MMP20: variants seen among roughly 807,000 people sequenced by gnomAD.
MMP20 encodes matrix metalloproteinase-20.
MMP20 carries 50 observed loss-of-function variants against 51.8 expected under a neutral mutation model. That is an observed-to-expected ratio of 0.97 (90% CI 0.77 to 1.22). MMP20 has a LOEUF of 1.22. Among genes scored for constraint, MMP20 ranks in the 50% most tolerant of loss-of-function variants. The pLI is 0.00. For synonymous variants in MMP20, 244 were observed against 216.2 expected, an observed-to-expected ratio of 1.13 and a Z score of -1.13; for missense variants, 663 against 601.4, an observed-to-expected ratio of 1.10 and a Z score of -1.07.
chr11:102,594,123 A>G (rs1859351348), intron 7 of MMP20, among the ~76,000 whole-genome samples: 1 of 152,222 alleles, frequency 6.6e-6, no homozygotes, highest in Non-Finnish European at 1.5e-5. Flanking sequence ...CAGAGCCATT[A>G]GATAACTTTC....
chr11:102,613,777 A>G (rs1859632385), intron 2 of MMP20, among the ~76,000 whole-genome samples: 1 of 152,238 alleles, frequency 6.6e-6, no homozygotes, highest in African/African-American at 2.4e-5. Context: ...GAAGGGGGAT[A>G]CCAGACAGAC....
intron 2 of MMP20, 149 bp from the exon 3 acceptor site, chr11:102,612,052 T>A: frequency 1.3e-6 from 1 of 779,824 alleles, no homozygotes; most frequent in Non-Finnish European, 2.1e-6. Context: ...TATTATATGT[T>A]AAATTTCTGC....
intron 8 of MMP20, among the ~76,000 whole-genome samples, chr11:102,584,602 G>C (rs117050523): frequency 0.011 from 1,705 of 152,208 alleles, 22 homozygotes; most frequent in Non-Finnish European, 0.017. Flanking sequence ...ATAGTGTACT[G>C]TGAAGCAGAA....
intron 5 of MMP20, 127 bp downstream of exon 5, chr11:102,608,810 A>T: frequency 4.0e-6 from 4 of 1,000,406 alleles, no homozygotes; most frequent in Non-Finnish European, 4.8e-6. Context: ...CTTCACAAGA[A>T]GGCATAGTTG....
At chr11:102,581,977 A>G (rs1430594293) in intron 8 of MMP20, among the ~76,000 whole-genome samples, 1 of 152,224 alleles carries the variant, frequency 6.6e-6, no homozygotes, top group Non-Finnish European at 1.5e-5. Flanking sequence ...TAAATACCAA[A>G]CTAGAAATAG....
intron 9 of MMP20, among the ~76,000 whole-genome samples, chr11:102,577,988 G>C (rs1015838381): frequency 2.0e-5 from 3 of 152,144 alleles, no homozygotes; most frequent in African/African-American, 7.2e-5. Context: ...ACAGTGTCCA[G>C]CCCTGTGCTA....
At chr11:102,622,435 C>T (rs1288572862) in intron 1 of MMP20, among the ~76,000 whole-genome samples, 1 of 152,162 alleles carries the variant, frequency 6.6e-6, no homozygotes, top group Non-Finnish European at 1.5e-5. Flanking sequence ...TGATTGCATT[C>T]CAAGCAGCTG....
intron 6 of MMP20, among the ~76,000 whole-genome samples, chr11:102,600,245 G>A (rs1316105212): frequency 6.6e-6 from 1 of 152,118 alleles, no homozygotes; most frequent in African/African-American, 2.4e-5. Context: ...GGCATCCTGG[G>A]AATTCCCAAT....
Position 102,625,313 on chromosome 11 carries a change from C to T in MMP20, c.7G>A (p.Val3Met), listed in dbSNP as rs769469819. Reference sequence around the variant, plus strand: ...ACAGCAAGGCCAGATGCAGGGAGCACCTTCATCCCCTCACAGTAGCTTGGT... The same window carrying T: ...ACAGCAAGGCCAGATGCAGGGAGCATCTTCATCCCCTCACAGTAGCTTGGT... Reference protein sequence around the residue: MKVLPASGLAVFL... With the variant: MKMLPASGLAVFL... The change falls in exon 1 of 10, where the codon GTG becomes ATG. Residue 3 changes from valine to methionine, a missense_variant. Physicochemically the swap from Val to Met is conservative, Grantham distance 21 (BLOSUM62 1). Coordinates refer to ENST00000260228, the MANE Select transcript of MMP20 (RefSeq NM_004771.4). 3.1e-6 allele frequency: 5 copies of T among 1,613,230 alleles called. No homozygotes were observed. The highest frequency in any genetic ancestry group is 1.3e-5 in the African/African-American group (1 of 74,866).
chr11:102,600,149 T>G (rs972271743), intron 6 of MMP20, among the ~76,000 whole-genome samples: 6 of 152,152 alleles, frequency 3.9e-5, no homozygotes, highest in African/African-American at 1.4e-4. Flanking sequence ...GGAAGTAATC[T>G]TACAGCCAGA....
chr11:102,602,200 C>T (rs1170217185), intron 6 of MMP20, among the ~76,000 whole-genome samples: 1 of 144,672 alleles, frequency 6.9e-6, no homozygotes, highest in Non-Finnish European at 1.5e-5. Flanking sequence ...CATCTCCTGA[C>T]CTTGTGATCT....
intron 8 of MMP20, among the ~76,000 whole-genome samples, chr11:102,592,795 CA>C (rs1181135796): frequency 6.6e-6 from 1 of 152,190 alleles, no homozygotes; most frequent in Non-Finnish European, 1.5e-5. Context: ...CATTCCTCAA[CA>C]TGAGTCAACT....
At chr11:102,594,512 C>G in intron 7 of MMP20, 109 bp downstream of exon 7, 1 of 1,426,318 alleles carries the variant, frequency 7.0e-7, no homozygotes, top group Non-Finnish European at 9.7e-7. Context: ...CAAAGAGCAA[C>G]TGAAATGTGC....
intron 2 of MMP20, among the ~76,000 whole-genome samples, chr11:102,615,973 G>A (rs1049807745): frequency 1.3e-5 from 2 of 152,180 alleles, no homozygotes; most frequent in Non-Finnish European, 2.9e-5. Flanking sequence ...ACCTGGGGAG[G>A]AAGTCTGCGC....
At chr11:102,624,582 G>A (rs1451902128) in intron 1 of MMP20, among the ~76,000 whole-genome samples, 1 of 151,976 alleles carries the variant, frequency 6.6e-6, no homozygotes, top group Non-Finnish European at 1.5e-5. Context: ...CATAAACGTT[G>A]TACTTTGTAC....
rs546210283 is a variant in MMP20 at position 102,613,642 on chromosome 11, G to T, written c.375-1739C>A. Among the ~76,000 whole-genome samples the T allele has an allele frequency of 2.0e-5, 3 of 152,206 alleles. No individual in the cohort carries two copies. The South Asian group carries it at 6.2e-4, about 32-fold the overall frequency. ...AGAAACCAACAGCAGTAATCCTAGGGTCCCAAATGAAAGGACTGTGCCCAC... is the reference window on the plus strand; with the variant it reads ...AGAAACCAACAGCAGTAATCCTAGGTTCCCAAATGAAAGGACTGTGCCCAC... On this transcript the variant is annotated intron_variant, in intron 2 of 9. Coordinates refer to ENST00000260228, the MANE Select transcript of MMP20 (RefSeq NM_004771.4).
rs146186274 is a variant in MMP20 at position 102,599,314 on chromosome 11, C to T, written c.954-4557G>A. 4.5e-3 allele frequency among the ~76,000 whole-genome samples: 684 copies of T among 152,274 alleles called. 5 individuals are homozygous for T. Among genetic ancestry groups the T allele is most frequent in the Middle Eastern group, 0.031 (9 of 294 alleles). On this transcript the variant is annotated intron_variant, in intron 6 of 9. Coordinates refer to ENST00000260228, the MANE Select transcript of MMP20 (RefSeq NM_004771.4). Reference sequence around the variant, plus strand: ...GGATTACAGGCATGAGCCACCATGCCGGCCTCTATCTTTTTGATTCTCTGT... The same window carrying T: ...GGATTACAGGCATGAGCCACCATGCTGGCCTCTATCTTTTTGATTCTCTGT...
Position 102,594,771 on chromosome 11 carries a change from CAAA to C in MMP20, c.954-17_954-15del, listed in dbSNP as rs144425539. ...CTCCAGAAAATCCTATGGGACATTC[CAAA>C]AAAAAAAAAAAAAAAAATCAAGATC... On this transcript the variant is annotated splice_polypyrimidine_tract_variant and intron_variant, in intron 6 of 9. Coordinates refer to ENST00000260228, the MANE Select transcript of MMP20 (RefSeq NM_004771.4). 135,068 of 1,326,334 alleles carry C rather than the reference CAAA, an allele frequency of 0.1. No homozygotes were observed. Among genetic ancestry groups the C allele is most frequent in the East Asian group, 0.16 (5,651 of 35,378 alleles). 82.2% of individuals were successfully genotyped at this position (1,326,334 alleles called of 1,614,324 possible). A position where few individuals can be genotyped will look rare whatever the true frequency, so the allele number is the denominator to read the frequency against.
chr11:102,598,341 C>T (rs899675485), intron 6 of MMP20, among the ~76,000 whole-genome samples: 22 of 152,262 alleles, frequency 1.4e-4, no homozygotes, highest in African/African-American at 5.3e-4. Flanking sequence ...TGAAAATAAA[C>T]AGATTATATC....
Sources: gnomAD v4.1 joint callset for allele counts (sites outside exome capture counted in the v4.1 genomes callset) on GRCh38, gnomAD v4.1.1 for gene constraint, MANE v1.5 for transcripts, NCBI Gene and HGNC (gene_info 2026-07-23, HGNC 2026-07-21) for gene names.